CRB1: variants seen among roughly 807,000 people sequenced by gnomAD.
CRB1 encodes the protein protein crumbs homolog 1.
In CRB1, 83 loss-of-function variants were observed where a neutral mutation model predicts 120.0. The observed-to-expected ratio is 0.69, with a 90% CI of 0.58 to 0.83. The LOEUF is 0.83. CRB1 is among the 40% of genes least tolerant of loss of function. The probability of loss-of-function intolerance (pLI) is 0.00; values close to 1 mark genes in which losing one functional copy is unlikely to be tolerated. For synonymous variants in CRB1, 625 were observed against 612.5 expected, an observed-to-expected ratio of 1.02 and a Z score of -0.30; for missense variants, 1,699 against 1,687.6, an observed-to-expected ratio of 1.01 and a Z score of -0.12.
At position 197,328,798 on chromosome 1, in the gene CRB1, C is replaced by T. The variant is rs576678571; in HGVS notation, c.447C>T (p.His149=). 2.8e-5 allele frequency: 45 copies of T among 1,613,852 alleles called. 2 individuals carry two copies. The South Asian group carries it at 2.9e-4, about 10-fold the overall frequency. The change falls in exon 2 of 12, where the codon CAC becomes CAT. Residue 149 remains histidine (H), a synonymous_variant. Coordinates refer to ENST00000367400, the MANE Select transcript of CRB1 (RefSeq NM_201253.3). Reference sequence around the variant, plus strand: ...CTGGAAGATTCTGTGAGATAGATCACGATGAGTGTGCTTCCAGCCCTTGCC... The same window carrying T: ...CTGGAAGATTCTGTGAGATAGATCATGATGAGTGTGCTTCCAGCCCTTGCC... ...GYAGRFCEID[H]DECASSPCQN...
intron 2 of CRB1, among the ~76,000 whole-genome samples, chr1:197,337,170 G>A (rs1659204186): frequency 6.6e-6 from 1 of 152,134 alleles, no homozygotes; most frequent in Non-Finnish European, 1.5e-5. Context: ...AGGTCCAAGA[G>A]AGATCCCTCA....
At chr1:197,468,282 A>T (rs1666835499) in intron 11 of CRB1, among the ~76,000 whole-genome samples, 1 of 151,828 alleles carries the variant, frequency 6.6e-6, no homozygotes, top group Non-Finnish European at 1.5e-5. Context: ...TGGAACTGTA[A>T]TTGCTTTATA....
intron 5 of CRB1, among the ~76,000 whole-genome samples, chr1:197,411,355 C>T (rs1368978901): frequency 6.6e-6 from 1 of 152,066 alleles, no homozygotes; most frequent in East Asian, 1.9e-4. Context: ...TGAGGTAATA[C>T]AGAATAAAGT....
intron 5 of CRB1, among the ~76,000 whole-genome samples, chr1:197,369,276 T>G (rs1661242908): frequency 6.6e-6 from 1 of 152,142 alleles, no homozygotes; most frequent in South Asian, 2.1e-4. Context: ...TCCCAATGTC[T>G]ACTACTTAGT....
chr1:197,469,640 A>T (rs1386702909), intron 11 of CRB1, among the ~76,000 whole-genome samples: 1 of 152,224 alleles, frequency 6.6e-6, no homozygotes, highest in Non-Finnish European at 1.5e-5. Context: ...AAGAAAAAAA[A>T]GGGAGAGAAG....
rs975274334 is a variant in CRB1 at position 197,326,694 on chromosome 1, C to A, written c.71-1728C>A. On this transcript the variant is annotated intron_variant, in intron 1 of 11. Coordinates refer to ENST00000367400, the MANE Select transcript of CRB1 (RefSeq NM_201253.3). ...TAATCAGATGTTAAATATTTTCTTG[C>A]AAAAAACAAGGGAGCTGGGGAACAG... Among the ~76,000 whole-genome samples the A allele has an allele frequency of 4.0e-5, 6 of 151,590 alleles. No homozygotes were observed. In the South Asian group the frequency reaches 1.0e-3, roughly 26 times the overall value.
upstream of CRB1, among the ~76,000 whole-genome samples, chr1:197,263,970 A>G (rs554861920): frequency 2.6e-5 from 4 of 151,538 alleles, no homozygotes; most frequent in Non-Finnish European, 5.9e-5. Context: ...ACATTCTTTT[A>G]TCTCTTAAAA....
chr1:197,277,392 G>A (rs1311757027), intron 1 of CRB1, among the ~76,000 whole-genome samples: 1 of 151,986 alleles, frequency 6.6e-6, no homozygotes, highest in Non-Finnish European at 1.5e-5. Flanking sequence ...AGAGCAGAGT[G>A]CTAATGAGGC....
intron 9 of CRB1, among the ~76,000 whole-genome samples, chr1:197,437,687 G>A (rs1665229738): frequency 6.6e-6 from 1 of 152,062 alleles, no homozygotes; most frequent in Admixed American, 6.6e-5. Context: ...CTTGCGGGAA[G>A]AGACACACTT....
chr1:197,419,959 C>T (rs557773687), intron 5 of CRB1, among the ~76,000 whole-genome samples: 8 of 142,870 alleles, frequency 5.6e-5, no homozygotes, highest in South Asian at 2.2e-4. Flanking sequence ...CCAGCCTGGG[C>T]GACAGAGCGA....
chr1:197,469,829 T>G (rs991775450), intron 11 of CRB1, among the ~76,000 whole-genome samples: 4 of 152,162 alleles, frequency 2.6e-5, no homozygotes, highest in Admixed American at 1.3e-4. Flanking sequence ...TATCACGTGA[T>G]AACGTTTCCA....
At chr1:197,325,949 A>G (rs1444291651) in intron 1 of CRB1, among the ~76,000 whole-genome samples, 1 of 152,226 alleles carries the variant, frequency 6.6e-6, no homozygotes, top group Non-Finnish European at 1.5e-5. Context: ...AGTTAAAATG[A>G]GATCTAGAGA....
At chr1:197,355,107 A>T (rs1660391794) in intron 4 of CRB1, among the ~76,000 whole-genome samples, 1 of 151,730 alleles carries the variant, frequency 6.6e-6, no homozygotes, top group South Asian at 2.1e-4. Flanking sequence ...CAGGGTGCTG[A>T]TTGATGTGTT....
intron 11 of CRB1, among the ~76,000 whole-genome samples, chr1:197,470,045 G>A (rs757327336): frequency 5.9e-5 from 9 of 152,108 alleles, no homozygotes; most frequent in East Asian, 1.9e-4. Flanking sequence ...TTTTTATTAC[G>A]TAAAAATCCC....
At chr1:197,385,672 T>C (rs545056234) in intron 5 of CRB1, among the ~76,000 whole-genome samples, 1 of 152,226 alleles carries the variant, frequency 6.6e-6, no homozygotes, top group African/African-American at 2.4e-5. Flanking sequence ...TGGTGACCTT[T>C]AATTCTGGAT....
intron 5 of CRB1, among the ~76,000 whole-genome samples, chr1:197,375,042 C>T (rs1661573409): frequency 1.3e-5 from 2 of 152,178 alleles, no homozygotes; most frequent in Non-Finnish European, 2.9e-5. Context: ...AACTCATCTT[C>T]TACATCTGAA....
At chr1:197,218,911 G>A in the CRB1 span, among the ~76,000 whole-genome samples, 2 of 152,326 alleles carry the variant, frequency 1.3e-5, no homozygotes, top group East Asian at 3.9e-4. Flanking sequence ...TAGTGAAGAA[G>A]TTAAGAGTTA....
Position 197,347,355 on chromosome 1 carries a change from C to T in CRB1, c.864C>T (p.Cys288=), listed in dbSNP as rs1385265027. 2.5e-6 allele frequency: 4 copies of T among 1,613,730 alleles called. No homozygotes were observed. In the African/African-American group the frequency reaches 5.3e-5, roughly 22 times the overall value. ...VDGENRYSCN[C]TGSGFTGTHC... ...TACTTTCCAGATATAGCTGTAACTGCACGGGTAGTGGATTCACAGGGACAC... is the reference window on the plus strand; with the variant it reads ...TACTTTCCAGATATAGCTGTAACTGTACGGGTAGTGGATTCACAGGGACAC... The change falls in exon 4 of 12, where the codon TGC becomes TGT. Residue 288 remains cysteine (C), a synonymous_variant. Transcript: ENST00000367400.
the CRB1 span, among the ~76,000 whole-genome samples, chr1:197,205,321 G>T: frequency 9.9e-5 from 15 of 152,248 alleles, no homozygotes; most frequent in African/African-American, 3.4e-4. Context: ...TCGTTATTTT[G>T]TTCCAGTTCT....
Sources: gnomAD v4.1 joint callset for allele counts (sites outside exome capture counted in the v4.1 genomes callset) on GRCh38, gnomAD v4.1.1 for gene constraint, MANE v1.5 for transcripts, NCBI Gene and HGNC (gene_info 2026-07-23, HGNC 2026-07-21) for gene names.